The following ERG variants were observed in gnomAD, a reference collection of about 807,000 sequenced individuals.
The protein encoded by ERG is ETS transcription factor ERG.
A neutral mutation model predicts 55.3 loss-of-function variants in ERG; 9 were observed. The observed-to-expected ratio is 0.16, with a 90% CI of 0.10 to 0.28. The LOEUF is 0.28. Among genes scored for constraint, ERG ranks in the 10% least tolerant of loss-of-function variants. The pLI, the probability that ERG is intolerant of heterozygous loss-of-function variation, is 1.00. For missense variants in ERG, 434 were observed against 631.6 expected, an observed-to-expected ratio of 0.69 and a Z score of 3.35; for synonymous variants, 223 against 237.3, an observed-to-expected ratio of 0.94 and a Z score of 0.55.
intron 1 of ERG, among the ~76,000 whole-genome samples, chr21:38,584,398 A>G (rs2060049603): frequency 6.6e-6 from 1 of 152,208 alleles, no homozygotes; most frequent in Non-Finnish European, 1.5e-5. Flanking sequence ...AGAAGGTTTC[A>G]ATTGCATTCA....
intron 2 of ERG, among the ~76,000 whole-genome samples, chr21:38,439,775 G>C (rs769517466): frequency 6.6e-6 from 1 of 152,226 alleles, no homozygotes; most frequent in Non-Finnish European, 1.5e-5. Flanking sequence ...AATGGCAACA[G>C]ATCTCGTTTC....
intron 2 of ERG, among the ~76,000 whole-genome samples, chr21:38,562,068 C>T (rs1555860378): frequency 3.3e-5 from 5 of 152,198 alleles, no homozygotes; most frequent in Non-Finnish European, 7.3e-5. Context: ...CACGGAGACA[C>T]ATGTGCAATT....
chr21:38,579,712 T>C (rs2060016487), intron 1 of ERG, among the ~76,000 whole-genome samples: 1 of 152,140 alleles, frequency 6.6e-6, no homozygotes, highest in South Asian at 2.1e-4. Context: ...CGCAGCGTGA[T>C]GGCACTGCCA....
rs140997203 is a variant in ERG, at chr21:38,511,809, T to G, written c.-41+63853A>C. Reference sequence around the variant, plus strand: ...ATTATCTGTTGTGGGGGCTGCCCTGTGCATGGCAGGATGTTTGCTAGCATT... The same window carrying G: ...ATTATCTGTTGTGGGGGCTGCCCTGGGCATGGCAGGATGTTTGCTAGCATT... On this transcript the variant is annotated intron_variant, in intron 2 of 8. Coordinates refer to the ERG transcript ENST00000398897. Among the ~76,000 whole-genome samples, 1,419 of 152,308 alleles carry G rather than the reference T, an allele frequency of 9.3e-3. 10 individuals carry two copies. The highest frequency in any genetic ancestry group is 0.016 in the Non-Finnish European group (1,075 of 68,018).
At chr21:38,464,612 A>G (rs907243025) in intron 1 of ERG, among the ~76,000 whole-genome samples, 4 of 152,096 alleles carry the variant, frequency 2.6e-5, no homozygotes, top group Non-Finnish European at 4.4e-5. Context: ...CATGTGCAGA[A>G]CATGCAGGTT....
chr21:38,598,523 CTG>C (rs1432435276), intron 1 of ERG, among the ~76,000 whole-genome samples: 3 of 152,212 alleles, frequency 2.0e-5, no homozygotes, highest in African/African-American at 7.2e-5. Context: ...ACATAAGTAA[CTG>C]AGTGCAAAAT....
rs572571676 is a variant in ERG, at chr21:38,441,594, G to A, written c.236+3810C>T. Among the ~76,000 whole-genome samples the A allele has an allele frequency of 1.1e-4, 16 of 152,276 alleles. 1 individual carries two copies. In the East Asian group the frequency reaches 2.9e-3, roughly 27 times the overall value. Reference sequence around the variant, plus strand: ...CACCAGGCCAGCACCCAGACACAATGCCAGGAGACACACTGAGCTCTGGGG... The same window carrying A: ...CACCAGGCCAGCACCCAGACACAATACCAGGAGACACACTGAGCTCTGGGG... On this transcript the variant is annotated intron_variant, in intron 2 of 9. Coordinates refer to ENST00000288319, the MANE Select transcript of ERG (RefSeq NM_182918.4).
chr21:38,650,519 C>T (rs2060482670), intron 1 of ERG, among the ~76,000 whole-genome samples: 1 of 152,110 alleles, frequency 6.6e-6, no homozygotes, highest in South Asian at 2.1e-4. Context: ...CACCTGTAGT[C>T]CCTGCTACTC....
At chr21:38,510,492 A>C (rs2059503131) in intron 2 of ERG, among the ~76,000 whole-genome samples, 1 of 152,176 alleles carries the variant, frequency 6.6e-6, no homozygotes, top group Non-Finnish European at 1.5e-5. Context: ...AGTGACCCTT[A>C]ACTCAAGAGG....
Position 38,382,941 on chromosome 21 carries a change from T to C in ERG, c.*462A>G. 1 of 1,066,308 alleles carries C rather than the reference T, an allele frequency of 9.4e-7. No homozygotes were observed. The highest frequency in any genetic ancestry group is 5.0e-5 in the East Asian group (1 of 20,058). 66.1% of individuals were successfully genotyped at this position (1,066,308 alleles called of 1,614,324 possible). On this transcript the variant is annotated 3_prime_UTR_variant, in exon 10 of 10. Coordinates refer to ENST00000288319, the MANE Select transcript of ERG (RefSeq NM_182918.4). ...GTCTCTCTCGTGTCTTTTCTCTTGT[T>C]TTTGATATGTTTCTATTTTTAAATA...
chr21:38,464,078 T>G (rs758374716), intron 1 of ERG, among the ~76,000 whole-genome samples: 3 of 148,398 alleles, frequency 2.0e-5, no homozygotes, highest in Non-Finnish European at 4.5e-5. Context: ...TGGGTTCATG[T>G]TTTTTTTTTA....
chr21:38,549,897 C>G (rs926720393), intron 2 of ERG, among the ~76,000 whole-genome samples: 1 of 152,164 alleles, frequency 6.6e-6, no homozygotes, highest in African/African-American at 2.4e-5. Flanking sequence ...AGTCACTGAG[C>G]CCCTGCCTTC....
intron 1 of ERG, among the ~76,000 whole-genome samples, chr21:38,596,056 TGGG>T (rs34886564): frequency 9.6e-4 from 98 of 102,128 alleles, no homozygotes; most frequent in East Asian, 9.4e-3. Context: ...GGTGTGGGAT[TGGG>T]GGGGGGGGGT....
chr21:38,518,236 GTATCTATC>G (rs71330332), intron 2 of ERG, among the ~76,000 whole-genome samples: 30,165 of 145,206 alleles, frequency 0.21, 3,140 homozygotes, highest in Admixed American at 0.28. Flanking sequence ...GTGTGTGTGT[GTATCTATC>G]TATCTATCTA....
chr21:38,537,800 A>G (rs2059722791), intron 2 of ERG, among the ~76,000 whole-genome samples: 1 of 152,224 alleles, frequency 6.6e-6, no homozygotes, highest in Non-Finnish European at 1.5e-5. Flanking sequence ...CATATGATTC[A>G]CCAATTCCGC....
chr21:38,549,767 G>T (rs568284022), intron 2 of ERG, among the ~76,000 whole-genome samples: 15 of 152,022 alleles, frequency 9.9e-5, no homozygotes, highest in Non-Finnish European at 2.2e-4. Flanking sequence ...TTTGAACACA[G>T]ACTGACACAA....
intron 9 of ERG, among the ~76,000 whole-genome samples, chr21:38,386,465 T>C (rs972157397): frequency 6.6e-6 from 1 of 152,218 alleles, no homozygotes; most frequent in Non-Finnish European, 1.5e-5. Context: ...GCAAGAATTC[T>C]CAAAAATGAA....
chr21:38,624,268 C>T (rs1008818035), intron 1 of ERG, among the ~76,000 whole-genome samples: 1 of 143,978 alleles, frequency 6.9e-6, no homozygotes, highest in Non-Finnish European at 1.5e-5. Flanking sequence ...TCCCTGGGAA[C>T]ATCACATACT....
intron 1 of ERG, among the ~76,000 whole-genome samples, chr21:38,450,030 A>G (rs1220168424): frequency 6.6e-6 from 1 of 152,078 alleles, no homozygotes; most frequent in Non-Finnish European, 1.5e-5. Context: ...ATTATTTGAT[A>G]ATTATGAAAA....
Sources: gnomAD v4.1 joint callset for allele counts (sites outside exome capture counted in the v4.1 genomes callset) on GRCh38, gnomAD v4.1.1 for gene constraint, MANE v1.5 for transcripts, NCBI Gene and HGNC (gene_info 2026-07-23, HGNC 2026-07-21) for gene names.